KATNA1: variants seen among roughly 807,000 people sequenced by gnomAD.
KATNA1 encodes the protein katanin catalytic subunit A1.
Under a neutral mutation model 62.6 loss-of-function variants are expected in KATNA1, and 42 were observed. That is an observed-to-expected ratio of 0.67 (90% confidence interval 0.52 to 0.87). KATNA1 has a LOEUF of 0.87. Among genes scored for constraint, KATNA1 ranks in the 40% least tolerant of loss-of-function variants. The pLI, the probability that KATNA1 is intolerant of heterozygous loss-of-function variation, is 0.00. For synonymous variants in KATNA1, 186 were observed against 201.9 expected (o/e 0.92, Z 0.67); for missense variants, 498 against 612.5 (o/e 0.81, Z 1.97).
At chr6:149,607,459 A>G (rs1778785634) in intron 4 of KATNA1, among the ~76,000 whole-genome samples, 2 of 152,066 alleles carry the variant, frequency 1.3e-5, no homozygotes, top group African/African-American at 4.8e-5. Context: ...TAAAAATACA[A>G]AAATATTAGC....
chr6:149,632,873 ATATCTT>A lies in KATNA1; in HGVS notation c.200_205del (p.Lys67_Asp68del). 1 of 1,612,246 alleles carries A rather than the reference ATATCTT, an allele frequency of 6.2e-7. No homozygotes were observed. Among genetic ancestry groups the A allele is most frequent in the South Asian group, 1.1e-5 (1 of 90,704 alleles). ...TTTAAAGCTCTCTAGTGTTTTCATG[ATATCTT>A]TAACATGTTTAGCTTCCACATTTAT... On this transcript the variant is annotated inframe_deletion, in exon 3 of 11. Coordinates refer to ENST00000367411, the MANE Select transcript of KATNA1 (RefSeq NM_007044.4).
chr6:149,625,882 C>T (rs1020318136), intron 3 of KATNA1, among the ~76,000 whole-genome samples: 3 of 151,022 alleles, frequency 2.0e-5, no homozygotes, highest in Non-Finnish European at 4.4e-5. Flanking sequence ...TGCAGTGAGC[C>T]GAGCTCACGC....
At chr6:149,596,031 A>AT (rs1233772349) in intron 10 of KATNA1, among the ~76,000 whole-genome samples, 1 of 152,194 alleles carries the variant, frequency 6.6e-6, no homozygotes, top group African/African-American at 2.4e-5. Context: ...GTCATTTCGT[A>AT]TTTTATAATA....
At chr6:149,621,184 C>A (rs1400208396) in intron 4 of KATNA1, among the ~76,000 whole-genome samples, 2 of 146,812 alleles carry the variant, frequency 1.4e-5, no homozygotes, top group Non-Finnish European at 3.0e-5. Context: ...AGTGCAGTGG[C>A]GCGATCTTAG....
chr6:149,629,749 G>C (rs999542599), intron 3 of KATNA1, among the ~76,000 whole-genome samples: 4 of 151,986 alleles, frequency 2.6e-5, no homozygotes, highest in African/African-American at 9.7e-5. Flanking sequence ...TTAAGAGCAT[G>C]GTTAACTATA....
intron 7 of KATNA1, 139 bp downstream of exon 7, chr6:149,601,455 C>A (rs1778538731): frequency 1.9e-6 from 1 of 526,822 alleles, no homozygotes; most frequent in South Asian, 5.8e-5. Context: ...GTAAAGAAAT[C>A]TAGCTTTAAG....
intron 3 of KATNA1, among the ~76,000 whole-genome samples, chr6:149,624,524 GCCACATGGCAC>G (rs1779529278): frequency 6.6e-6 from 1 of 152,032 alleles, no homozygotes. Context: ...AAGGACTACA[GCCACATGGCAC>G]CACACAAGGC....
chr6:149,595,051 C>T lies in KATNA1; in HGVS notation c.1461G>A (p.Glu487=). The change falls in exon 11 of 11, where the codon GAG becomes GAA. Residue 487 remains glutamate (E), a synonymous_variant. Coordinates refer to ENST00000367411, the MANE Select transcript of KATNA1 (RefSeq NM_007044.4). ...DIERYEKWIF[E]FGSC The stretch of plus-strand genomic sequence containing the variant: ...ATGTGAGAATTTAGCATGATCCAAA[C>T]TCAAATATCCATTTCTCGTATCTTT... 3 of 1,613,790 alleles carry T rather than the reference C, an allele frequency of 1.9e-6. No homozygotes were observed. The highest frequency in any genetic ancestry group is 2.5e-6 in the Non-Finnish European group (3 of 1,179,796).
chr6:149,611,033 G>C (rs978836909), intron 4 of KATNA1, among the ~76,000 whole-genome samples: 9 of 152,168 alleles, frequency 5.9e-5, no homozygotes, highest in Non-Finnish European at 1.2e-4. Flanking sequence ...AGTGAGCCAA[G>C]ACTGCACCAC....
At chr6:149,603,224 T>G (rs556159888) in intron 6 of KATNA1, 44 bp downstream of exon 6, 105 of 795,870 alleles carry the variant, frequency 1.3e-4, no homozygotes, top group South Asian at 1.0e-3. Flanking sequence ...TGTATCAACA[T>G]GCTGCCATTT....
chr6:149,606,132 A>G (rs1416856328), intron 4 of KATNA1, among the ~76,000 whole-genome samples: 1 of 152,148 alleles, frequency 6.6e-6, no homozygotes, highest in Non-Finnish European at 1.5e-5. Flanking sequence ...GAGAAAATCA[A>G]TGTGGAAGAG....
intron 1 of KATNA1, among the ~76,000 whole-genome samples, chr6:149,645,522 CA>C (rs1780453926): frequency 6.7e-6 from 1 of 149,388 alleles, no homozygotes; most frequent in South Asian, 2.1e-4. Flanking sequence ...ACTATAAACA[CA>C]ATCTATTGGT....
intron 4 of KATNA1, among the ~76,000 whole-genome samples, chr6:149,617,282 C>T (rs947652813): frequency 6.6e-6 from 1 of 152,112 alleles, no homozygotes; most frequent in Admixed American, 6.6e-5. Context: ...TACTTAATAC[C>T]ACTGAACTGC....
Position 149,647,521 on chromosome 6 carries a change from CAAAAAAAAAAAAAAAAAA to C in KATNA1, c.-14+930_-14+947del, listed in dbSNP as rs10719474. ...CTGGCGACAGAGCAAGACTCCGTCT[CAAAAAAAAAAAAAAAAAA>C]AAAAAAAAGAACAAAACCCAGCTCT... On this transcript the variant is annotated intron_variant, in intron 1 of 10. Coordinates refer to ENST00000367411, the MANE Select transcript of KATNA1 (RefSeq NM_007044.4). 2.1e-4 allele frequency among the ~76,000 whole-genome samples: 10 copies of C among 46,864 alleles called. No homozygotes were observed. The South Asian group carries it at 9.1e-3, about 43-fold the overall frequency. The allele number at this position is 46,864 out of a possible 152,430, so 30.7% of individuals were successfully genotyped here. A position where few individuals can be genotyped will look rare whatever the true frequency, so the allele number is the denominator to read the frequency against.
At chr6:149,614,053 A>G (rs996985092) in intron 4 of KATNA1, among the ~76,000 whole-genome samples, 2 of 152,156 alleles carry the variant, frequency 1.3e-5, no homozygotes, top group East Asian at 3.8e-4. Context: ...ACTGTGAGGG[A>G]AAAAAATCCT....
At chr6:149,601,411 A>G (rs970802676) in intron 7 of KATNA1, among the ~76,000 whole-genome samples, 183 bp downstream of exon 7, 2 of 152,170 alleles carry the variant, frequency 1.3e-5, no homozygotes, top group African/African-American at 4.8e-5. Context: ...TCTGGAGAAA[A>G]AGAGACAAAG....
Position 149,595,205 on chromosome 6 carries a change from C to A in KATNA1, c.1307G>T (p.Arg436Leu). The change falls in exon 11 of 11, where the codon CGC (arginine) becomes CTC (leucine). Residue 436 changes from arginine (R) to leucine (L), a missense_variant. Transcript: ENST00000367411. ...RDASLMAMRRRIEGLTPEEIR... is the reference protein window; with the variant it reads ...RDASLMAMRRLIEGLTPEEIR... Reference sequence around the variant, plus strand: ...TTCCTCTGGAGTCAAACCTTCAATGCGCCTTCTCATTGCCATCAAGGACGC... The same window carrying A: ...TTCCTCTGGAGTCAAACCTTCAATGAGCCTTCTCATTGCCATCAAGGACGC... The A allele has an allele frequency of 1.2e-6, 2 of 1,613,954 alleles. No homozygotes were observed. Among genetic ancestry groups the A allele is most frequent in the Non-Finnish European group, 1.7e-6 (2 of 1,179,890 alleles).
At chr6:149,597,007 A>C in intron 10 of KATNA1, 56 bp downstream of exon 10, 4 of 1,586,174 alleles carry the variant, frequency 2.5e-6, no homozygotes, top group South Asian at 2.3e-5. Context: ...AAACCAAAAA[A>C]CTTCATACTA....
At chr6:149,600,402 G>C (rs574087766) in intron 7 of KATNA1, among the ~76,000 whole-genome samples, 1 of 152,096 alleles carries the variant, frequency 6.6e-6, no homozygotes, top group South Asian at 2.1e-4. Context: ...GGAGGCCAAG[G>C]TGGGCAGATC....
Sources: allele counts gnomAD v4.1 joint callset (sites outside exome capture counted in the v4.1 genomes callset), GRCh38; gene constraint gnomAD v4.1.1; transcripts MANE v1.5; gene names NCBI Gene and HGNC (gene_info 2026-07-23, HGNC 2026-07-21).